Variants in SGCD observed in about 807,000 individuals in gnomAD.
SGCD encodes the protein delta-sarcoglycan.
In SGCD, 18 loss-of-function variants were observed where a neutral mutation model predicts 36.6. The ratio of observed to expected loss-of-function variants is 0.49; its 90% CI spans 0.34 to 0.73. The LOEUF is 0.73. Ranked by LOEUF, SGCD falls within the 30% of genes least tolerant of loss-of-function variation. The probability of loss-of-function intolerance (pLI) is 0.01; values close to 1 mark genes in which losing one functional copy is unlikely to be tolerated. For missense variants in SGCD, 387 were observed against 346.7 expected (o/e 1.12, Z -0.92); for synonymous variants, 133 against 130.6 (o/e 1.02, Z -0.12).
chr5:155,857,945 CTG>C, the SGCD span, among the ~76,000 whole-genome samples: 6 of 152,092 alleles, frequency 3.9e-5, no homozygotes, highest in East Asian at 1.2e-3. Context: ...GCCATTTGTG[CTG>C]TCTGTTCTTT....
intron 3 of SGCD, among the ~76,000 whole-genome samples, chr5:156,503,865 G>GT (rs943917067): frequency 7.8e-4 from 118 of 151,478 alleles, no homozygotes; most frequent in African/African-American, 2.4e-3. Flanking sequence ...TTACTTAAGA[G>GT]TTTTTTTTTA....
At chr5:156,067,661 C>T (rs1581073786) in intron 1 of SGCD, among the ~76,000 whole-genome samples, 3 of 115,588 alleles carry the variant, frequency 2.6e-5, no homozygotes, top group Non-Finnish European at 1.6e-5. Flanking sequence ...TTTCTTAAGC[C>T]GGTCTGAAAA....
intron 5 of SGCD, among the ~76,000 whole-genome samples, chr5:156,593,105 A>G (rs768744597): frequency 6.6e-6 from 1 of 152,208 alleles, no homozygotes; most frequent in Non-Finnish European, 1.5e-5. Context: ...AGATAGATAC[A>G]GTAGGCAGTG....
intron 3 of SGCD, among the ~76,000 whole-genome samples, chr5:156,310,381 G>A (rs1561613190): frequency 6.6e-6 from 1 of 152,148 alleles, no homozygotes; most frequent in African/African-American, 2.4e-5. Flanking sequence ...TCAGAACACA[G>A]ACTTCTTGAT....
intron 3 of SGCD, among the ~76,000 whole-genome samples, chr5:156,145,059 C>G (rs1473839810): frequency 1.3e-5 from 2 of 152,112 alleles, no homozygotes; most frequent in African/African-American, 4.8e-5. Context: ...TGTGTCCTCA[C>G]CCAAATCTCA....
rs1763547760 is a variant in SGCD, at chr5:156,653,493, C to CTTTTTTTTTTTTTTGTTTTT, written c.575+5971_575+5972insGTTTTTTTTTTTTTTTTTTT. Among the ~76,000 whole-genome samples, 2 of 48,082 alleles carry CTTTTTTTTTTTTTTGTTTTT rather than the reference C, an allele frequency of 4.2e-5. 1 individual carries two copies. Among genetic ancestry groups the CTTTTTTTTTTTTTTGTTTTT allele is most frequent in the Non-Finnish European group, 8.0e-5 (2 of 24,960 alleles). The allele number at this position is 48,082 out of a possible 152,430, so 31.5% of individuals were successfully genotyped here. On this transcript the variant is annotated intron_variant, in intron 7 of 8. Coordinates refer to ENST00000337851, the MANE Select transcript of SGCD (RefSeq NM_000337.6). ...TTTTCTTACGTAATTCTAAAGCTTG[C>CTTTTTTTTTTTTTTGTTTTT]TTTTTTTTTTTTTTTGCCCCTGTTG...
chr5:156,027,665 T>C (rs1207726762), intron 1 of SGCD, among the ~76,000 whole-genome samples: 5 of 152,176 alleles, frequency 3.3e-5, no homozygotes, highest in African/African-American at 9.7e-5. Flanking sequence ...AAAAAAAGAA[T>C]GAATGATCTA....
intron 3 of SGCD, among the ~76,000 whole-genome samples, chr5:156,148,731 T>A (rs1406834224): frequency 3.4e-4 from 52 of 151,888 alleles, no homozygotes; most frequent in Non-Finnish European, 2.9e-5. Flanking sequence ...AATTACAAGG[T>A]TTTTTCTAGT....
At chr5:156,257,488 A>AATAT (rs1454602175) in intron 3 of SGCD, among the ~76,000 whole-genome samples, 2 of 152,010 alleles carry the variant, frequency 1.3e-5, no homozygotes, top group East Asian at 3.9e-4. Flanking sequence ...TAAATAAATA[A>AATAT]ATAAAAATGA....
intron 3 of SGCD, among the ~76,000 whole-genome samples, chr5:156,349,033 T>C (rs1053563163): frequency 6.6e-6 from 1 of 151,930 alleles, no homozygotes; most frequent in Non-Finnish European, 1.5e-5. Flanking sequence ...GCTGGGAAAA[T>C]TGGATAGCTA....
At chr5:156,529,164 C>T (rs1561757441) in intron 4 of SGCD, among the ~76,000 whole-genome samples, 1 of 151,956 alleles carries the variant, frequency 6.6e-6, no homozygotes, top group Non-Finnish European at 1.5e-5. Flanking sequence ...CGCCAGCTCA[C>T]GTCTGTAATC....
At chr5:156,114,206 G>T (rs540920752) in intron 1 of SGCD, among the ~76,000 whole-genome samples, 1 of 152,056 alleles carries the variant, frequency 6.6e-6, no homozygotes, top group Non-Finnish European at 1.5e-5. Context: ...AATGTAGCAC[G>T]CCAGTTGGTG....
At chr5:156,272,870 T>G (rs930057628) in intron 3 of SGCD, among the ~76,000 whole-genome samples, 1 of 152,220 alleles carries the variant, frequency 6.6e-6, no homozygotes, top group Non-Finnish European at 1.5e-5. Flanking sequence ...CTCATTTGTT[T>G]ATGTATTGTC....
rs180909911 is a variant in SGCD at position 155,885,060 on chromosome 5, A to G, written c.-282+14636A>G. Among the ~76,000 whole-genome samples the G allele has an allele frequency of 1.5e-3, 174 of 117,398 alleles. 43 individuals are homozygous for G. In the South Asian group the frequency reaches 0.022, roughly 15 times the overall value. The allele number at this position is 117,398 out of a possible 152,430, so 77.0% of individuals were successfully genotyped here. A position where few individuals can be genotyped will look rare whatever the true frequency, so the allele number is the denominator to read the frequency against. ...GTATTTCATGAGTGAAAGAACATGTACTTATTTAATAAACAAGAATTGATA... is the reference window on the plus strand; with the variant it reads ...GTATTTCATGAGTGAAAGAACATGTGCTTATTTAATAAACAAGAATTGATA... On this transcript the variant is annotated intron_variant, in intron 1 of 9. Coordinates refer to the SGCD transcript ENST00000517913.
intron 3 of SGCD, among the ~76,000 whole-genome samples, chr5:156,279,745 G>A (rs1766402758): frequency 1.3e-5 from 2 of 151,934 alleles, no homozygotes; most frequent in African/African-American, 4.8e-5. Context: ...CTGGGGAGTA[G>A]GAAGTGATGA....
chr5:156,043,495 A>G (rs182412907), intron 1 of SGCD, among the ~76,000 whole-genome samples: 315 of 152,288 alleles, frequency 2.1e-3, no homozygotes, highest in Admixed American at 4.8e-3. Flanking sequence ...TTCTTGGCTC[A>G]GCACTGGGAA....
At chr5:156,561,336 AT>A (rs1050045152) in intron 4 of SGCD, among the ~76,000 whole-genome samples, 1 of 152,212 alleles carries the variant, frequency 6.6e-6, no homozygotes, top group African/African-American at 2.4e-5. Flanking sequence ...ATTCCAAGCC[AT>A]TTTTGAAGCC....
intron 1 of SGCD, among the ~76,000 whole-genome samples, chr5:156,068,726 T>G (rs1039302492): frequency 4.0e-5 from 6 of 151,820 alleles, no homozygotes; most frequent in African/African-American, 7.3e-5. Context: ...TGAACTAGTT[T>G]ACAGTCCCAC....
intron 3 of SGCD, among the ~76,000 whole-genome samples, chr5:156,378,321 G>T (rs1770785323): frequency 6.6e-6 from 1 of 152,190 alleles, no homozygotes; most frequent in Non-Finnish European, 1.5e-5. Context: ...AAAGTAGAAA[G>T]ATGGTTGCCA....
Sources: gnomAD v4.1 joint callset for allele counts (sites outside exome capture counted in the v4.1 genomes callset) on GRCh38, gnomAD v4.1.1 for gene constraint, MANE v1.5 for transcripts, NCBI Gene and HGNC (gene_info 2026-07-23, HGNC 2026-07-21) for gene names.